HPSE2: variants seen among roughly 807,000 people sequenced by gnomAD.
HPSE2 encodes inactive heparanase-2.
Under a neutral mutation model 60.5 loss-of-function variants are expected in HPSE2, and 38 were observed. That is an observed-to-expected ratio of 0.63 (90% CI 0.48 to 0.82). The LOEUF (loss-of-function observed/expected upper bound fraction) is 0.82, where lower values mean the gene tolerates loss of function less well. HPSE2 is among the 40% of genes least tolerant of loss of function. The pLI, the probability that HPSE2 is intolerant of heterozygous loss-of-function variation, is 0.00. For synonymous variants in HPSE2, 295 were observed against 293.2 expected (o/e 1.01, Z -0.06); for missense variants, 713 against 740.4 (o/e 0.96, Z 0.43).
chr10:98,481,584 C>T lies in HPSE2; in HGVS notation c.1613+1052G>A, dbSNP rs537814285. Among the ~76,000 whole-genome samples, 249 of 152,252 alleles carry T rather than the reference C, an allele frequency of 1.6e-3. 1 individual carries two copies. Among genetic ancestry groups the T allele is most frequent in the African/African-American group, 5.8e-3 (239 of 41,550 alleles). On this transcript the variant is annotated intron_variant, in intron 11 of 11. Coordinates refer to ENST00000370552, the MANE Select transcript of HPSE2 (RefSeq NM_021828.5). ...CAGAAAAAAGAGCCAGCATGTGAAC[C>T]GAGACTGAAAATGAAGATCTAGCGT...
chr10:99,138,420 T>C (rs974940840), intron 3 of HPSE2, among the ~76,000 whole-genome samples: 2 of 152,206 alleles, frequency 1.3e-5, no homozygotes, highest in African/African-American at 4.8e-5. Flanking sequence ...TAAATCATTC[T>C]ACTATAAAGA....
At chr10:99,136,061 C>A (rs1845637305) in intron 3 of HPSE2, among the ~76,000 whole-genome samples, 1 of 152,082 alleles carries the variant, frequency 6.6e-6, no homozygotes, top group Admixed American at 6.6e-5. Flanking sequence ...GGTGATATCA[C>A]CACCGATCCC....
chr10:98,942,526 A>G (rs533889695), intron 3 of HPSE2, among the ~76,000 whole-genome samples: 73 of 152,006 alleles, frequency 4.8e-4, no homozygotes, highest in Admixed American at 1.3e-3. Flanking sequence ...CAAAACCACA[A>G]TGAGATACCA....
At chr10:98,549,197 T>C (rs369972704) in intron 9 of HPSE2, among the ~76,000 whole-genome samples, 51 of 152,240 alleles carry the variant, frequency 3.3e-4, no homozygotes, top group East Asian at 1.9e-3. Flanking sequence ...TAGAGAGACA[T>C]TGGGCTAAAA....
intron 3 of HPSE2, among the ~76,000 whole-genome samples, chr10:99,119,869 G>T (rs1273261737): frequency 6.6e-6 from 1 of 152,130 alleles, no homozygotes; most frequent in Non-Finnish European, 1.5e-5. Flanking sequence ...TCAAAAAATG[G>T]TGCTGGACTA....
At chr10:99,128,255 C>T (rs759909411) in intron 3 of HPSE2, among the ~76,000 whole-genome samples, 6 of 152,044 alleles carry the variant, frequency 3.9e-5, no homozygotes, top group South Asian at 2.1e-4. Flanking sequence ...TCAACCATAG[C>T]GGAAGATGAT....
At chr10:98,606,685 G>A (rs759728946) in intron 9 of HPSE2, among the ~76,000 whole-genome samples, 1 of 152,036 alleles carries the variant, frequency 6.6e-6, no homozygotes, top group Non-Finnish European at 1.5e-5. Context: ...TAGTAAGTGA[G>A]GTATCTAATG....
At chr10:98,905,803 G>A (rs1953798997) in intron 3 of HPSE2, among the ~76,000 whole-genome samples, 1 of 152,150 alleles carries the variant, frequency 6.6e-6, no homozygotes, top group South Asian at 2.1e-4. Flanking sequence ...GACACAAACT[G>A]AAGAAAGAAT....
chr10:98,705,954 CTG>C (rs1042182197), intron 5 of HPSE2, among the ~76,000 whole-genome samples: 3 of 152,110 alleles, frequency 2.0e-5, no homozygotes, highest in African/African-American at 7.2e-5. Context: ...TTATGTGAAA[CTG>C]TTTTATAATC....
At chr10:98,620,509 C>T in intron 8 of HPSE2, 93 bp downstream of exon 8, 1 of 884,222 alleles carries the variant, frequency 1.1e-6, no homozygotes, top group Non-Finnish European at 1.9e-6. Context: ...ACATGCCTCA[C>T]CCCTAGGATG....
intron 3 of HPSE2, among the ~76,000 whole-genome samples, chr10:98,904,424 C>T (rs1365710511): frequency 6.6e-6 from 1 of 152,032 alleles, no homozygotes; most frequent in East Asian, 1.9e-4. Flanking sequence ...GAAGGCAGGG[C>T]TTTGAAGATG....
At chr10:99,254,928 T>C in the HPSE2 span, among the ~76,000 whole-genome samples, 1 of 152,182 alleles carries the variant, frequency 6.6e-6, no homozygotes. Flanking sequence ...TAATGAGGAA[T>C]GACTGATAAC....
chr10:98,636,390 C>T (rs1487349862), intron 7 of HPSE2, among the ~76,000 whole-genome samples: 6 of 152,052 alleles, frequency 3.9e-5, no homozygotes, highest in Admixed American at 3.9e-4. Flanking sequence ...CATGTGCCTG[C>T]CACCATGCCC....
At chr10:98,788,544 C>G (rs964654480) in intron 3 of HPSE2, among the ~76,000 whole-genome samples, 2 of 151,502 alleles carry the variant, frequency 1.3e-5, no homozygotes, top group African/African-American at 4.9e-5. Context: ...CTCCCCCAGC[C>G]TCGTTGCCGC....
intron 3 of HPSE2, among the ~76,000 whole-genome samples, chr10:98,919,390 A>C (rs1954217914): frequency 6.6e-6 from 1 of 152,134 alleles, no homozygotes; most frequent in African/African-American, 2.4e-5. Context: ...TTTCCTTCTA[A>C]ATGCTAGTAA....
At chr10:99,308,379 C>CAAAAAAAAAAAAAAAAAAAAAAAA in the HPSE2 span, among the ~76,000 whole-genome samples, 103 of 28,114 alleles carry the variant, frequency 3.7e-3, 20 homozygotes, top group Non-Finnish European at 4.7e-3. Flanking sequence ...GACTCTGTCT[C>CAAAAAAAAAAAAAAAAAAAAAAAA]AAAAAAAAAA....
chr10:99,190,646 C>T (rs1346656906), intron 2 of HPSE2, among the ~76,000 whole-genome samples: 2 of 152,170 alleles, frequency 1.3e-5, no homozygotes, highest in South Asian at 2.1e-4. Context: ...GGAGGCAGAG[C>T]AAGATGGCCA....
At chr10:98,536,225 T>C (rs1943278559) in intron 9 of HPSE2, among the ~76,000 whole-genome samples, 1 of 152,234 alleles carries the variant, frequency 6.6e-6, no homozygotes, top group Non-Finnish European at 1.5e-5. Flanking sequence ...GTCCCACTTG[T>C]TACAAAAGTA....
chr10:98,864,708 C>T (rs1952544819), intron 3 of HPSE2, among the ~76,000 whole-genome samples: 1 of 152,084 alleles, frequency 6.6e-6, no homozygotes, highest in South Asian at 2.1e-4. Flanking sequence ...CAAAGCCATG[C>T]ATTATGCATT....
Sources: allele counts gnomAD v4.1 joint callset (sites outside exome capture counted in the v4.1 genomes callset), GRCh38; gene constraint gnomAD v4.1.1; transcripts MANE v1.5; gene names NCBI Gene and HGNC (gene_info 2026-07-23, HGNC 2026-07-21).